CDK18: variants seen among roughly 807,000 people sequenced by gnomAD.
CDK18 encodes the protein cyclin dependent kinase 18.
In CDK18, 52 loss-of-function variants were observed where a neutral mutation model predicts 62.0. That is an observed-to-expected ratio of 0.84 (90% CI 0.67 to 1.06). CDK18 has a LOEUF of 1.06. CDK18 is among the 50% of genes least tolerant of loss of function. The pLI is 0.00. For synonymous variants in CDK18, 237 were observed against 247.0 expected, an observed-to-expected ratio of 0.96 and a Z score of 0.38; for missense variants, 604 against 619.9, an observed-to-expected ratio of 0.97 and a Z score of 0.27.
chr1:205,526,084 T>G lies in CDK18; in HGVS notation c.476T>G (p.Phe159Cys). Residue 159 changes from phenylalanine to cysteine, a missense_variant, in exon 6 of 16, where the codon TTC becomes TGC. Coordinates refer to ENST00000429964, the MANE Select transcript of CDK18 (RefSeq NM_212502.3). Reference protein sequence around the residue: ...KLGEGTYATVFKGRSKLTENL... With the variant: ...KLGEGTYATVCKGRSKLTENL... ...TCCCAGGGCACCTATGCCACAGTCTTCAAAGGGCGCAGCAAACTGACGGAG... is the reference window on the plus strand; with the variant it reads ...TCCCAGGGCACCTATGCCACAGTCTGCAAAGGGCGCAGCAAACTGACGGAG... 1 of 1,613,406 alleles carries G rather than the reference T, an allele frequency of 6.2e-7. No individual in the cohort carries two copies. Among genetic ancestry groups the G allele is most frequent in the Non-Finnish European group, 8.5e-7 (1 of 1,179,712 alleles).
chr1:205,529,808 A>G, intron 13 of CDK18: 3 of 1,414,626 alleles, frequency 2.1e-6, no homozygotes, highest in East Asian at 2.5e-5. Flanking sequence ...GAGCTCCTCC[A>G]TGCCTCAGTT....
intron 5 of CDK18, 125 bp downstream of exon 5, chr1:205,525,320 A>G: frequency 1.7e-6 from 1 of 598,712 alleles, no homozygotes; most frequent in South Asian, 2.3e-5. Context: ...CCCCTGCCCC[A>G]TAGAGGTGCA....
In CDK18 at chr1:205,532,602, C is replaced by G. The variant is rs1393822825; in HGVS notation, c.*1224C>G. 6.6e-6 allele frequency: 1 copy of G among 152,214 alleles called. No individual in the cohort carries two copies. The highest frequency in any genetic ancestry group is 1.5e-5 in the Non-Finnish European group (1 of 68,084). 9.4% of individuals were successfully genotyped at this position (152,214 alleles called of 1,614,324 possible). A position where few individuals can be genotyped will look rare whatever the true frequency, so the allele number is the denominator to read the frequency against. On this transcript the variant is annotated 3_prime_UTR_variant, in exon 16 of 16. Coordinates refer to ENST00000429964, the MANE Select transcript of CDK18 (RefSeq NM_212502.3). Reference sequence around the variant, plus strand: ...CCCTGAAGAAGGCTCCCCTCTGTATCCCCCAGGTCTCCTCAACACTGGGCT... The same window carrying G: ...CCCTGAAGAAGGCTCCCCTCTGTATGCCCCAGGTCTCCTCAACACTGGGCT...
At chr1:205,506,713 T>G (rs1408352110) in intron 1 of CDK18, among the ~76,000 whole-genome samples, 1 of 152,154 alleles carries the variant, frequency 6.6e-6, no homozygotes, top group Admixed American at 6.5e-5. Context: ...GTGGGGAGGT[T>G]CCGGCCCACT....
In CDK18 at chr1:205,531,578, T is replaced by C; in HGVS notation, c.*200T>C. The C allele has an allele frequency of 3.3e-6, 2 of 598,654 alleles. No homozygotes were observed. The allele number at this position is 598,654 out of a possible 1,614,324, so 37.1% of individuals were successfully genotyped here. ...GCCTCCCCAGTAGCCCTCACCTGCA[T>C]ACCAACCCCTCCTTTACCCACGTTG... On this transcript the variant is annotated 3_prime_UTR_variant, in exon 16 of 16. Transcript: ENST00000429964.
chr1:205,508,284 G>A (rs1178032023), intron 1 of CDK18, among the ~76,000 whole-genome samples: 1 of 152,016 alleles, frequency 6.6e-6, no homozygotes, highest in Non-Finnish European at 1.5e-5. Flanking sequence ...CATCCAGGGG[G>A]TGGGAGCAGA....
intron 1 of CDK18, among the ~76,000 whole-genome samples, chr1:205,513,753 G>T (rs1558769350): frequency 6.6e-6 from 1 of 152,216 alleles, no homozygotes; most frequent in Non-Finnish European, 1.5e-5. Context: ...CCACAGCCCT[G>T]GAGGCCCTAG....
intron 1 of CDK18, among the ~76,000 whole-genome samples, chr1:205,509,579 A>T (rs1323808763): frequency 6.6e-6 from 1 of 152,184 alleles, no homozygotes; most frequent in African/African-American, 2.4e-5. Context: ...CTATTATCTC[A>T]TGTGATTGCG....
chr1:205,529,240 C>G, intron 11 of CDK18, 84 bp from the exon 12 acceptor site: 2 of 1,406,598 alleles, frequency 1.4e-6, no homozygotes, highest in Non-Finnish European at 2.0e-6. Flanking sequence ...ATCTTTGCTC[C>G]CACCTCATAC....
At position 205,526,376 on chromosome 1, in the gene CDK18, T is replaced by TG. The variant is rs748010232; in HGVS notation, c.582dup (p.Lys195GlufsTer13). On this transcript the variant is annotated frameshift_variant, in exon 7 of 16. Transcript: ENST00000429964. LOFTEE classifies it high-confidence loss of function. ...ATCTGTCTCCTCACAGTGTCTCTGC[T>TG]GAAGAACCTGAAGCACGCCAATATT... 1.4e-5 allele frequency: 22 copies of TG among 1,613,936 alleles called. No individual in the cohort carries two copies. The highest frequency in any genetic ancestry group is 1.9e-5 in the Non-Finnish European group (22 of 1,179,804).
In CDK18 at chr1:205,529,343, G is replaced by A; in HGVS notation, c.1092G>A (p.Thr364=). 6.2e-7 allele frequency: 1 copy of A among 1,613,848 alleles called. No homozygotes were observed. The highest frequency in any genetic ancestry group is 2.2e-5 in the East Asian group (1 of 44,858). Residue 364 remains threonine, a synonymous_variant, in exon 12 of 16, where the codon ACG becomes ACA. Transcript: ENST00000429964. ...FRLLGTPTEE[T]WPGVTAFSEF... ...CCCCAGGGACCCCCACAGAAGAGAC[G>A]TGGCCCGGCGTGACCGCCTTCTCTG... is the stretch of plus-strand genomic sequence containing the variant.
chr1:205,522,075 G>A (rs1668156082), intron 1 of CDK18, among the ~76,000 whole-genome samples: 1 of 152,216 alleles, frequency 6.6e-6, no homozygotes, highest in South Asian at 2.1e-4. Context: ...AGGAAACCAT[G>A]AAGGGAAGTG....
chr1:205,527,567 G>A lies in CDK18; in HGVS notation c.730-227G>A, dbSNP rs771571070. 32 of 506,346 alleles carry A rather than the reference G, an allele frequency of 6.3e-5. No individual in the cohort carries two copies. The highest frequency in any genetic ancestry group is 9.6e-5 in the Non-Finnish European group (27 of 282,156). The allele number at this position is 506,346 out of a possible 1,614,324, so 31.4% of individuals were successfully genotyped here. A position where few individuals can be genotyped will look rare whatever the true frequency, so the allele number is the denominator to read the frequency against. On this transcript the variant is annotated intron_variant, in intron 8 of 15. Transcript: ENST00000429964. The surrounding 1 kb of genome is among the most constrained non-coding windows in gnomAD (Gnocchi z 4.1). ...CCCCCGTGCTCCTGACTGAGACTTC[G>A]CTGGCCTCCCCCACACTCACTGCGT...
At chr1:205,519,939 G>T (rs1161774712) in intron 1 of CDK18, among the ~76,000 whole-genome samples, 2 of 152,164 alleles carry the variant, frequency 1.3e-5, no homozygotes, top group Non-Finnish European at 2.9e-5. Context: ...CTGCAGGACG[G>T]TTTTATGGGG....
chr1:205,511,188 A>G (rs570001655), intron 1 of CDK18, among the ~76,000 whole-genome samples: 1 of 152,398 alleles, frequency 6.6e-6, no homozygotes, highest in African/African-American at 2.4e-5. Context: ...GTAAAAAGTC[A>G]AAAGAAGAAA....
Position 205,529,372 on chromosome 1 carries a change from T to A in CDK18, c.1121T>A (p.Phe374Tyr). Residue 374 changes from phenylalanine to tyrosine, a missense_variant, in exon 12 of 16, where the codon TTC becomes TAC. Phe to Tyr is a conservative substitution (Grantham distance 22). Coordinates refer to ENST00000429964, the MANE Select transcript of CDK18 (RefSeq NM_212502.3). ...TWPGVTAFSE[F>Y]RTYSFPCYLP... ...CCCGGCGTGACCGCCTTCTCTGAGT[T>A]CCGCACCTACAGCTTCCCCTGCTAC... 1 of 1,614,014 alleles carries A rather than the reference T, an allele frequency of 6.2e-7. No homozygotes were observed. The highest frequency in any genetic ancestry group is 8.5e-7 in the Non-Finnish European group (1 of 1,179,954).
rs529694322 is a variant in CDK18 at position 205,517,204 on chromosome 1, G to T, written c.-21-5943G>T. Among the ~76,000 whole-genome samples the T allele has an allele frequency of 6.6e-6, 1 of 152,148 alleles. No individual in the cohort carries two copies. On this transcript the variant is annotated intron_variant, in intron 1 of 15. Coordinates refer to ENST00000429964, the MANE Select transcript of CDK18 (RefSeq NM_212502.3). This position sits in a 1 kb window ranked among gnomAD's most constrained non-coding sequence, Gnocchi z 4.1. ...GCCAGTAGCCGGGGTTCCCTGCCTT[G>T]CACGGGCCCCACCCTGCGTGGCCCT...
At position 205,516,330 on chromosome 1, in the gene CDK18, C is replaced by A. The variant is rs1253819903; in HGVS notation, c.-21-6817C>A. On this transcript the variant is annotated intron_variant, in intron 1 of 15. Transcript: ENST00000429964. The surrounding 1 kb of genome is among the most constrained non-coding windows in gnomAD (Gnocchi z 4.8). The stretch of plus-strand genomic sequence containing the variant: ...AGTGGCTGAGTGACCGAGGCAGGGG[C>A]AGGGACTGGGAGATAGGGTGTCATA... Among the ~76,000 whole-genome samples, 1 of 152,098 alleles carries A rather than the reference C, an allele frequency of 6.6e-6. No homozygotes were observed. The highest frequency in any genetic ancestry group is 2.1e-4 in the South Asian group (1 of 4,810).
rs2102305604 is a variant in CDK18, at chr1:205,523,641, G to A, written c.273+16G>A. ...CTCCATGGAGGTAAGGGCCTCTGGA[G>A]CTCTGCCCCGGCAGGTGGCAGGATG... On this transcript the variant is annotated intron_variant, in intron 3 of 15. Transcript: ENST00000429964. The A allele has an allele frequency of 3.2e-6, 5 of 1,559,578 alleles. No individual in the cohort carries two copies. The highest frequency in any genetic ancestry group is 4.8e-5 in the East Asian group (2 of 41,850).
Sources: allele counts gnomAD v4.1 joint callset (sites outside exome capture counted in the v4.1 genomes callset), GRCh38; gene constraint gnomAD v4.1.1; non-coding constraint Gnocchi (gnomAD v3.1); transcripts MANE v1.5; gene names NCBI Gene and HGNC (gene_info 2026-07-23, HGNC 2026-07-21).